PRH1: variants seen among roughly 807,000 people sequenced by gnomAD.
PRH1 encodes the protein proline rich protein HaeIII subfamily 1, also known as salivary acidic proline-rich phosphoprotein 1/2.
Under a neutral mutation model 7.9 loss-of-function variants are expected in PRH1, and 7 were observed. That is an observed-to-expected ratio of 0.89 (90% CI 0.50 to 1.67). PRH1 has a LOEUF of 1.67. Among genes scored for constraint, PRH1 ranks in the 40% most tolerant of loss-of-function variants. The pLI is 0.00. For missense variants in PRH1, 109 were observed against 223.6 expected, an observed-to-expected ratio of 0.49 and a Z score of 3.27; for synonymous variants, 45 against 80.8, an observed-to-expected ratio of 0.56 and a Z score of 2.38.
intron 1 of PRH1, among the ~76,000 whole-genome samples, chr12:11,100,364 C>T (rs1235919371): frequency 6.6e-6 from 1 of 152,140 alleles, no homozygotes; most frequent in Non-Finnish European, 1.5e-5. Flanking sequence ...AGGCATCCTC[C>T]TGCAACTTGG....
chr12:10,995,066 T>G (rs1298298355), intron 1 of PRH1, among the ~76,000 whole-genome samples: 1 of 152,164 alleles, frequency 6.6e-6, no homozygotes, highest in Non-Finnish European at 1.5e-5. Flanking sequence ...AAATTCTTCT[T>G]CTTCTTGGAT....
chr12:10,918,146 C>G (rs913396994), intron 2 of PRH1, among the ~76,000 whole-genome samples: 1 of 152,042 alleles, frequency 6.6e-6, no homozygotes, highest in Admixed American at 6.5e-5. Context: ...CACGTGTTCT[C>G]GCTTATAATT....
At chr12:10,936,957 T>C (rs959425181) in intron 2 of PRH1, among the ~76,000 whole-genome samples, 1 of 152,130 alleles carries the variant, frequency 6.6e-6, no homozygotes, top group African/African-American at 2.4e-5. Flanking sequence ...TCATCTTTTT[T>C]TAAGGGGAGA....
At chr12:11,050,682 C>T (rs146104635), upstream of PRH1, among the ~76,000 whole-genome samples, 124 of 152,386 alleles carry the variant, frequency 8.1e-4, no homozygotes, top group South Asian at 0.011. Context: ...TTTCTAAGTA[C>T]GCTACACTTT....
intron 1 of PRH1, among the ~76,000 whole-genome samples, chr12:11,154,479 T>C (rs1947194473): frequency 6.6e-6 from 1 of 152,172 alleles, no homozygotes; most frequent in Non-Finnish European, 1.5e-5. Flanking sequence ...GATGTAAGAA[T>C]AAATGATTTC....
chr12:10,975,030 C>A (rs538486768), intron 1 of PRH1, among the ~76,000 whole-genome samples: 1 of 152,124 alleles, frequency 6.6e-6, no homozygotes, highest in African/African-American at 2.4e-5. Context: ...CATAATTGAG[C>A]AAGCTGGGGA....
chr12:11,062,673 T>TC (rs1943664368), intron 1 of PRH1, among the ~76,000 whole-genome samples: 1 of 152,104 alleles, frequency 6.6e-6, no homozygotes, highest in Admixed American at 6.6e-5. Context: ...GTGTAACCTC[T>TC]CCATCATTTG....
At position 11,077,710 on chromosome 12, in the gene PRH1, G is replaced by A. The variant is rs186710421; in HGVS notation, n.124-30522C>T. 6,866 of 1,157,600 alleles carry A rather than the reference G, an allele frequency of 5.9e-3. 1,494 individuals carry two copies. Among genetic ancestry groups the A allele is most frequent in the Non-Finnish European group, 7.1e-3 (5,736 of 806,688 alleles). The allele number at this position is 1,157,600 out of a possible 1,614,324, so 71.7% of individuals were successfully genotyped here. A position where few individuals can be genotyped will look rare whatever the true frequency, so the allele number is the denominator to read the frequency against. The stretch of plus-strand genomic sequence containing the variant: ...TATGAGGTTTGCTAGTGTGCTTACA[G>A]TCAAGTTTGAAAGGTGTATTGCATT... On this transcript the variant is annotated intron_variant and non_coding_transcript_variant, in intron 1 of 4. Transcript: ENST00000541977.
intron 2 of PRH1, among the ~76,000 whole-genome samples, chr12:10,890,955 C>A (rs1156723241): frequency 6.6e-6 from 1 of 152,020 alleles, no homozygotes; most frequent in Non-Finnish European, 1.5e-5. Flanking sequence ...TTCCCCCAAC[C>A]CCCAGAACCA....
intron 2 of PRH1, among the ~76,000 whole-genome samples, chr12:10,921,564 A>G (rs1950045679): frequency 1.3e-5 from 2 of 152,010 alleles, no homozygotes; most frequent in Non-Finnish European, 2.9e-5. Flanking sequence ...GAATTTCCTA[A>G]TCTTTAAAAG....
chr12:10,895,594 G>A (rs1949633400), intron 2 of PRH1: 1 of 152,128 alleles, frequency 6.6e-6, no homozygotes, highest in South Asian at 2.1e-4. Flanking sequence ...TACAGGACAG[G>A]CAGAAATAGC....
intron 2 of PRH1, among the ~76,000 whole-genome samples, chr12:10,896,460 T>C (rs1259318935): frequency 3.3e-5 from 5 of 152,128 alleles, no homozygotes; most frequent in African/African-American, 1.2e-4. Context: ...CCAAATCTTT[T>C]AGAGAGTATG....
At chr12:11,133,401 C>T (rs1052320644) in intron 1 of PRH1, 3 of 1,613,882 alleles carry the variant, frequency 1.9e-6, no homozygotes, top group African/African-American at 2.7e-5. Context: ...TTCTTGTTTC[C>T]CAAAATCAGG....
intron 1 of PRH1, among the ~76,000 whole-genome samples, chr12:11,160,168 CATTT>C (rs1442127233): frequency 1.3e-5 from 2 of 152,248 alleles, no homozygotes; most frequent in Middle Eastern, 3.4e-3. Context: ...TTAGAAATAA[CATTT>C]ATTTCAGTAA....
intron 1 of PRH1, among the ~76,000 whole-genome samples, chr12:11,152,602 G>C (rs978662080): frequency 2.0e-5 from 3 of 152,022 alleles, no homozygotes; most frequent in African/African-American, 7.2e-5. Flanking sequence ...AGAAAGTTCA[G>C]CTTGGGAGAT....
intron 2 of PRH1, among the ~76,000 whole-genome samples, chr12:10,917,957 A>G (rs932808741): frequency 1.3e-5 from 2 of 152,204 alleles, no homozygotes; most frequent in African/African-American, 4.8e-5. Context: ...AGCTGAGCAG[A>G]TATCAGTGCC....
chr12:10,994,068 T>C (rs895099451), intron 1 of PRH1, among the ~76,000 whole-genome samples: 3 of 152,182 alleles, frequency 2.0e-5, no homozygotes, highest in Admixed American at 2.0e-4. Flanking sequence ...TCAGCCATGA[T>C]TGGAGGGCAT....
At chr12:10,919,889 T>TA (rs200818148) in intron 2 of PRH1, among the ~76,000 whole-genome samples, 2 of 142,896 alleles carry the variant, frequency 1.4e-5, no homozygotes, top group Non-Finnish European at 1.5e-5. Flanking sequence ...CAAAAAATAT[T>TA]AAAAAAATTT....
chr12:11,170,811 A>ATCCT (rs1318255106), intron 1 of PRH1, among the ~76,000 whole-genome samples: 2 of 152,238 alleles, frequency 1.3e-5, no homozygotes, highest in African/African-American at 4.8e-5. Flanking sequence ...ATAAATAGAA[A>ATCCT]AATCCAAAGA....
Sources: gnomAD v4.1 joint callset for allele counts (sites outside exome capture counted in the v4.1 genomes callset) on GRCh38, gnomAD v4.1.1 for gene constraint, MANE v1.5 for transcripts, NCBI Gene and HGNC (gene_info 2026-07-23, HGNC 2026-07-21) for gene names.